Variants in TNRC6B observed in about 807,000 individuals in gnomAD.
TNRC6B encodes the protein trinucleotide repeat-containing gene 6B protein.
A neutral mutation model predicts 203.6 loss-of-function variants in TNRC6B; 52 were observed. That is an observed-to-expected ratio of 0.26 (90% CI 0.20 to 0.32). The LOEUF (loss-of-function observed/expected upper bound fraction) is 0.32. Among genes scored for constraint, TNRC6B ranks in the 10% least tolerant of loss-of-function variants. The probability of loss-of-function intolerance (pLI) is 1.00; values close to 1 mark genes in which losing one functional copy is unlikely to be tolerated. For missense variants in TNRC6B, 1,923 were observed against 2,286.2 expected (o/e 0.84, Z 3.24); for synonymous variants, 838 against 845.7 (o/e 0.99, Z 0.16).
chr22:40,147,727 A>G (rs1318876272), intron 3 of TNRC6B, among the ~76,000 whole-genome samples: 3 of 152,174 alleles, frequency 2.0e-5, no homozygotes, highest in Non-Finnish European at 4.4e-5. Flanking sequence ...TTTCAACACA[A>G]ATTTTGGGGG....
intron 11 of TNRC6B, among the ~76,000 whole-genome samples, chr22:40,281,948 G>A (rs934371312): frequency 1.3e-5 from 2 of 152,180 alleles, no homozygotes; most frequent in Admixed American, 6.5e-5. Context: ...ACCTTGCCAG[G>A]CCTGAGGGTG....
chr22:40,285,577 C>A (rs999691303), intron 11 of TNRC6B, 68 bp from the exon 12 acceptor site: 25 of 1,555,358 alleles, frequency 1.6e-5, no homozygotes, highest in Middle Eastern at 1.7e-4. Flanking sequence ...TCTAAAAGAC[C>A]AGAACTGTTT....
chr22:40,153,744 A>T (rs1360754158), intron 3 of TNRC6B, among the ~76,000 whole-genome samples: 1 of 151,664 alleles, frequency 6.6e-6, no homozygotes, highest in Non-Finnish European at 1.5e-5. Context: ...GGAAGGGAGG[A>T]TGGAGGCTTA....
intron 1 of TNRC6B, among the ~76,000 whole-genome samples, chr22:40,054,454 G>A (rs1178899630): frequency 6.6e-6 from 1 of 152,080 alleles, no homozygotes; most frequent in Non-Finnish European, 1.5e-5. Flanking sequence ...CTGGAAGCCC[G>A]CAGGCCCAAC....
intron 1 of TNRC6B, among the ~76,000 whole-genome samples, chr22:40,048,860 TGACA>T (rs1415284176): frequency 2.0e-5 from 3 of 151,918 alleles, no homozygotes; most frequent in Non-Finnish European, 4.4e-5. Flanking sequence ...CTTGTCTTTC[TGACA>T]GAGTTTCGCT....
intron 1 of TNRC6B, among the ~76,000 whole-genome samples, chr22:40,238,618 G>A (rs992110815): frequency 1.3e-5 from 2 of 152,018 alleles, no homozygotes; most frequent in African/African-American, 4.8e-5. Context: ...TTCACCCCCA[G>A]ATACCCACAT....
intron 5 of TNRC6B, among the ~76,000 whole-genome samples, chr22:40,269,463 A>G (rs1022712325): frequency 6.6e-6 from 1 of 152,094 alleles, no homozygotes; most frequent in African/African-American, 2.4e-5. Context: ...TGGGTGACCC[A>G]CAATTGGTCT....
intron 3 of TNRC6B, among the ~76,000 whole-genome samples, chr22:40,126,459 C>T (rs2068494083): frequency 6.6e-6 from 1 of 151,946 alleles, no homozygotes; most frequent in African/African-American, 2.4e-5. Context: ...CCACATGTAC[C>T]CAGTGTTTAG....
At chr22:40,273,257 AT>A (rs2070589631) in intron 6 of TNRC6B, among the ~76,000 whole-genome samples, 167 bp from the exon 7 acceptor site, 1 of 152,176 alleles carries the variant, frequency 6.6e-6, no homozygotes, top group Non-Finnish European at 1.5e-5. Flanking sequence ...AGCTTTATGG[AT>A]TTTAGTTTCC....
At chr22:40,139,807 G>A (rs2068630351) in intron 3 of TNRC6B, among the ~76,000 whole-genome samples, 1 of 152,138 alleles carries the variant, frequency 6.6e-6, no homozygotes, top group Admixed American at 6.5e-5. Context: ...CCTAGGAGTG[G>A]AACTGCTGGG....
chr22:40,052,842 G>GCA (rs1317453480), intron 1 of TNRC6B, among the ~76,000 whole-genome samples: 7 of 152,296 alleles, frequency 4.6e-5, no homozygotes, highest in African/African-American at 1.7e-4. Flanking sequence ...CTGACCAGTT[G>GCA]TGTAGTAGTA....
chr22:40,053,177 A>C (rs978712372), intron 1 of TNRC6B, among the ~76,000 whole-genome samples: 3 of 151,596 alleles, frequency 2.0e-5, no homozygotes, highest in Non-Finnish European at 4.4e-5. Context: ...AAAAAAAAAA[A>C]ACTATGTTTA....
At chr22:40,066,017 T>C (rs1402760312) in intron 1 of TNRC6B, among the ~76,000 whole-genome samples, 2 of 152,146 alleles carry the variant, frequency 1.3e-5, no homozygotes, top group Admixed American at 1.3e-4. Flanking sequence ...CTGGAGTTCT[T>C]TCTCTGTGCA....
intron 10 of TNRC6B, 107 bp from the exon 11 acceptor site, chr22:40,281,012 C>A: frequency 1.1e-6 from 1 of 947,524 alleles, no homozygotes; most frequent in Admixed American, 3.0e-5. Flanking sequence ...ATTGCTAATA[C>A]ACTCTAACTT....
upstream of TNRC6B, among the ~76,000 whole-genome samples, chr22:40,176,853 T>C (rs1413510983): frequency 6.6e-6 from 1 of 152,028 alleles, no homozygotes; most frequent in Non-Finnish European, 1.5e-5. Flanking sequence ...ACTTTTGAGA[T>C]GGCCAGGAAA....
chr22:40,308,752 T>C (rs376566530), intron 16 of TNRC6B, 103 bp downstream of exon 16: 35 of 1,361,106 alleles, frequency 2.6e-5, no homozygotes, highest in African/African-American at 1.6e-4. Flanking sequence ...TCATTTTCCT[T>C]GTGAATCCTA....
At chr22:40,218,349 CAG>C (rs1394121729) in intron 1 of TNRC6B, among the ~76,000 whole-genome samples, 5 of 87,330 alleles carry the variant, frequency 5.7e-5, no homozygotes, top group Non-Finnish European at 8.6e-5. Flanking sequence ...TTTTTTGAGA[CAG>C]GGTGTTACTC....
chr22:40,268,727 C>T (rs904638555), intron 5 of TNRC6B, among the ~76,000 whole-genome samples: 18 of 151,722 alleles, frequency 1.2e-4, no homozygotes, highest in African/African-American at 2.7e-4. Context: ...TTGGCTAACA[C>T]GGTGAAACCC....
chr22:40,242,817 T>A (rs1264191705), intron 1 of TNRC6B, among the ~76,000 whole-genome samples: 2 of 152,094 alleles, frequency 1.3e-5, no homozygotes, highest in Non-Finnish European at 2.9e-5. Context: ...CTTCTCCACA[T>A]AGATGTCCAT....
Sources: allele counts gnomAD v4.1 joint callset (sites outside exome capture counted in the v4.1 genomes callset), GRCh38; gene constraint gnomAD v4.1.1; transcripts MANE v1.5; gene names NCBI Gene and HGNC (gene_info 2026-07-23, HGNC 2026-07-21).